The following PICALM variants were observed in gnomAD, a reference collection of about 807,000 sequenced individuals.
The protein encoded by PICALM is phosphatidylinositol binding clathrin assembly protein.
A neutral mutation model predicts 80.5 loss-of-function variants in PICALM; 40 were observed. That is an observed-to-expected ratio of 0.50 (90% CI 0.39 to 0.65). The LOEUF (loss-of-function observed/expected upper bound fraction) is 0.65, where lower values mean the gene tolerates loss of function less well. Ranked by LOEUF, PICALM falls within the 30% of genes least tolerant of loss-of-function variation. The pLI is 0.00. For synonymous variants in PICALM, 288 were observed against 260.3 expected (o/e 1.11, Z -1.02); for missense variants, 676 against 778.9 (o/e 0.87, Z 1.57).
intron 9 of PICALM, among the ~76,000 whole-genome samples, chr11:86,001,855 T>C (rs1436519792): frequency 6.6e-6 from 1 of 152,196 alleles, no homozygotes; most frequent in Non-Finnish European, 1.5e-5. Flanking sequence ...TTTCCAAATG[T>C]TAACTCTAGG....
intron 1 of PICALM, among the ~76,000 whole-genome samples, chr11:86,039,322 T>A (rs1438536072): frequency 6.6e-6 from 1 of 152,078 alleles, no homozygotes; most frequent in African/African-American, 2.4e-5. Context: ...TCCCAGGAGT[T>A]CAAGGCTGTA....
Position 85,990,583 on chromosome 11 carries a change from T to C in PICALM, c.1259-184A>G, listed in dbSNP as rs370483002. Among the ~76,000 whole-genome samples, 5 of 152,198 alleles carry C rather than the reference T, an allele frequency of 3.3e-5. No homozygotes were observed. In the South Asian group the frequency reaches 8.3e-4, roughly 25 times the overall value. ...AGATAGAAGAATTGCATTTAATATA[T>C]TTTTAAGTGAATCCTTAGAAAAAAT... On this transcript the variant is annotated intron_variant, in intron 12 of 19. Coordinates refer to ENST00000393346, the MANE Select transcript of PICALM (RefSeq NM_007166.4).
At chr11:85,994,637 A>C (rs2094899397) in intron 12 of PICALM, among the ~76,000 whole-genome samples, 1 of 152,244 alleles carries the variant, frequency 6.6e-6, no homozygotes. Flanking sequence ...AAAATGTTAC[A>C]TATTTAAGTG....
At chr11:86,045,689 C>G (rs1200539975) in intron 1 of PICALM, among the ~76,000 whole-genome samples, 1 of 152,006 alleles carries the variant, frequency 6.6e-6, no homozygotes, top group Non-Finnish European at 1.5e-5. Context: ...CATTTATTTT[C>G]AAAACCACAT....
chr11:85,991,848 G>A (rs1174764340), intron 12 of PICALM, among the ~76,000 whole-genome samples: 4 of 152,100 alleles, frequency 2.6e-5, no homozygotes, highest in East Asian at 1.9e-4. Flanking sequence ...AGGGGGGCAC[G>A]GTGGGTTTTT....
chr11:85,998,727 A>G (rs1262869204), intron 11 of PICALM, among the ~76,000 whole-genome samples: 1 of 152,146 alleles, frequency 6.6e-6, no homozygotes, highest in Non-Finnish European at 1.5e-5. Flanking sequence ...GCAGTGAGCC[A>G]TGGCTGTGCC....
chr11:86,038,057 C>T (rs564541736), intron 1 of PICALM, among the ~76,000 whole-genome samples: 5 of 152,306 alleles, frequency 3.3e-5, no homozygotes, highest in African/African-American at 7.2e-5. Context: ...TGGAGGCTTA[C>T]GCCTATAATC....
intron 1 of PICALM, among the ~76,000 whole-genome samples, chr11:86,034,027 T>G (rs904970984): frequency 1.3e-5 from 2 of 152,210 alleles, no homozygotes; most frequent in Non-Finnish European, 2.9e-5. Context: ...TTTACTATAA[T>G]GCTTATTAAA....
rs372958249 is a variant in PICALM at position 85,996,890 on chromosome 11, C to T, written c.1194G>A (p.Gln398=). The change falls in exon 12 of 20, where the codon CAG becomes CAA. Residue 398 remains glutamine, a synonymous_variant. Coordinates refer to ENST00000393346, the MANE Select transcript of PICALM (RefSeq NM_007166.4). Reference sequence around the variant, plus strand: ...GATGTACAGATGGGTGAAAAGTTGGCTGCTGCAAATCAAGCAGATCATTGG... The same window carrying T: ...GATGTACAGATGGGTGAAAAGTTGGTTGCTGCAAATCAAGCAGATCATTGG... ...KLPNDLLDLQ[Q]PTFHPSVHPM... The T allele has an allele frequency of 2.5e-6, 4 of 1,612,912 alleles. No individual in the cohort carries two copies. Among genetic ancestry groups the T allele is most frequent in the Non-Finnish European group, 3.4e-6 (4 of 1,179,380 alleles).
chr11:86,045,519 C>CAAAAA lies in PICALM; in HGVS notation c.131-13913_131-13909dup, dbSNP rs71040207. Among the ~76,000 whole-genome samples, 377 of 47,794 alleles carry CAAAAA rather than the reference C, an allele frequency of 7.9e-3. 35 individuals carry two copies. Among genetic ancestry groups the CAAAAA allele is most frequent in the East Asian group, 0.029 (29 of 1,010 alleles). 31.4% of individuals were successfully genotyped at this position (47,794 alleles called of 152,430 possible). A position where few individuals can be genotyped will look rare whatever the true frequency, so the allele number is the denominator to read the frequency against. ...CATAGTGAGACCCTGTCTTGAAATT[C>CAAAAA]AAAAAAAAAAAAAAAAAAAAAAAAA... On this transcript the variant is annotated intron_variant, in intron 1 of 19. Transcript: ENST00000393346.
intron 1 of PICALM, among the ~76,000 whole-genome samples, chr11:86,057,989 G>A (rs1416619250): frequency 2.0e-5 from 3 of 152,162 alleles, no homozygotes; most frequent in Non-Finnish European, 4.4e-5. Context: ...CTTTGGATTA[G>A]TTAAATGCTA....
chr11:85,980,895 T>C (rs1367359518), intron 17 of PICALM, among the ~76,000 whole-genome samples: 1 of 151,746 alleles, frequency 6.6e-6, no homozygotes, highest in Non-Finnish European at 1.5e-5. Flanking sequence ...AAATAAAACA[T>C]TATTATTTAC....
chr11:85,988,377 C>A (rs907573895), intron 13 of PICALM, among the ~76,000 whole-genome samples: 4 of 151,592 alleles, frequency 2.6e-5, no homozygotes, highest in Non-Finnish European at 4.4e-5. Context: ...TCTCTGAAAG[C>A]AAATAAGTAT....
At chr11:86,046,859 A>G (rs2137203266) in intron 1 of PICALM, among the ~76,000 whole-genome samples, 1 of 152,272 alleles carries the variant, frequency 6.6e-6, no homozygotes, top group East Asian at 1.9e-4. Context: ...GCTGGTCTCA[A>G]ACTCCTGGCC....
At chr11:86,023,745 T>C (rs1428456839) in intron 3 of PICALM, among the ~76,000 whole-genome samples, 1 of 152,094 alleles carries the variant, frequency 6.6e-6, no homozygotes, top group African/African-American at 2.4e-5. Flanking sequence ...GAAGTGAAAA[T>C]TAAAGGATGA....
chr11:86,016,373 A>G (rs972563672), intron 4 of PICALM, among the ~76,000 whole-genome samples: 8 of 152,210 alleles, frequency 5.3e-5, no homozygotes, highest in African/African-American at 1.9e-4. Flanking sequence ...TTAACCTTTC[A>G]GCTGCTTTGG....
At chr11:85,994,806 T>C (rs868702952) in intron 12 of PICALM, among the ~76,000 whole-genome samples, 1 of 152,174 alleles carries the variant, frequency 6.6e-6, no homozygotes, top group Non-Finnish European at 1.5e-5. Flanking sequence ...GGGGTTCAAG[T>C]GATTCTCATG....
At chr11:86,060,955 T>G (rs961171951) in intron 1 of PICALM, among the ~76,000 whole-genome samples, 2 of 152,186 alleles carry the variant, frequency 1.3e-5, no homozygotes, top group African/African-American at 4.8e-5. Flanking sequence ...TCATTAAGAT[T>G]AAAATTTTCT....
chr11:86,019,775 T>C (rs2095536112), intron 4 of PICALM, among the ~76,000 whole-genome samples: 1 of 152,234 alleles, frequency 6.6e-6, no homozygotes. Context: ...TAAATTTTCT[T>C]GCATAACTAA....
Sources: gnomAD v4.1 joint callset for allele counts (sites outside exome capture counted in the v4.1 genomes callset) on GRCh38, gnomAD v4.1.1 for gene constraint, MANE v1.5 for transcripts, NCBI Gene and HGNC (gene_info 2026-07-23, HGNC 2026-07-21) for gene names.